Variants in TRIM5 observed in about 807,000 individuals in gnomAD.
The protein encoded by TRIM5 is tripartite motif containing 5.
In TRIM5, 31 loss-of-function variants were observed where a neutral mutation model predicts 35.6. That is an observed-to-expected ratio of 0.87 (90% confidence interval 0.65 to 1.18). The LOEUF (loss-of-function observed/expected upper bound fraction) is 1.18. Ranked by LOEUF, TRIM5 falls within the 50% of genes most tolerant of loss-of-function variation. The probability of loss-of-function intolerance (pLI) is 0.00; values close to 1 mark genes in which losing one functional copy is unlikely to be tolerated. For synonymous variants in TRIM5, 243 were observed against 215.6 expected (o/e 1.13, Z -1.11); for missense variants, 609 against 591.6 (o/e 1.03, Z -0.31).
At chr11:5,660,624 C>A (rs1012837737), downstream of TRIM5, among the ~76,000 whole-genome samples, 2 of 152,056 alleles carry the variant, frequency 1.3e-5, no homozygotes, top group Non-Finnish European at 2.9e-5. Flanking sequence ...TGATTTTACG[C>A]TTTCTTTCTC....
At chr11:5,622,582 C>T in the TRIM5 span, among the ~76,000 whole-genome samples, 2 of 152,082 alleles carry the variant, frequency 1.3e-5, no homozygotes, top group Non-Finnish European at 2.9e-5. Context: ...CATGCCATTG[C>T]ACTCCAGTCT....
At chr11:5,648,435 GGTGGAGGTTGCAGT>G in the TRIM5 span, among the ~76,000 whole-genome samples, 1 of 44,808 alleles carries the variant, frequency 2.2e-5, no homozygotes, top group Non-Finnish European at 5.9e-5. Flanking sequence ...GAACCTGGGA[GGTGGAGGTTGCAGT>G]GAGCCGAGAT....
At chr11:5,633,251 C>T in the TRIM5 span, among the ~76,000 whole-genome samples, 132,245 of 150,550 alleles carry the variant, frequency 0.88, 58,156 homozygotes, top group East Asian at 1. Flanking sequence ...TCTTTACCCC[C>T]TGTGGAACCA....
At chr11:5,604,916 G>T in the TRIM5 span, 1 of 434,172 alleles carries the variant, frequency 2.3e-6, no homozygotes, top group South Asian at 3.1e-5. Flanking sequence ...AGTCTCTTTG[G>T]CTTTTCCCTT....
chr11:5,640,708 C>T, the TRIM5 span, among the ~76,000 whole-genome samples: 7 of 152,208 alleles, frequency 4.6e-5, no homozygotes, highest in African/African-American at 1.7e-4. Flanking sequence ...TTTGAAATAA[C>T]TTATGAAGTT....
the TRIM5 span, among the ~76,000 whole-genome samples, chr11:5,623,188 A>G: frequency 6.1e-4 from 91 of 148,774 alleles, no homozygotes; most frequent in Non-Finnish European, 1.6e-4. Context: ...ACCAGTTCTC[A>G]ACCTGACTTT....
chr11:5,670,663 C>T (rs4347418), intron 4 of TRIM5, among the ~76,000 whole-genome samples: 122,768 of 152,160 alleles, frequency 0.81, 49,794 homozygotes, highest in South Asian at 0.85. Context: ...TTGAATTAAT[C>T]TGGGCAATCT....
chr11:5,682,993 C>T (rs1852630262), intron 1 of TRIM5, among the ~76,000 whole-genome samples: 1 of 152,212 alleles, frequency 6.6e-6, no homozygotes, highest in Non-Finnish European at 1.5e-5. Context: ...GCTTGTGGGC[C>T]AGCTGGAGTT....
chr11:5,596,771 T>A, the TRIM5 span: 10 of 1,454,060 alleles, frequency 6.9e-6, 1 homozygote, highest in South Asian at 1.1e-4. Flanking sequence ...GTGGTTGAGT[T>A]TAGATAAAAG....
At chr11:5,612,831 C>T in the TRIM5 span, 2 of 152,118 alleles carry the variant, frequency 1.3e-5, no homozygotes, top group Admixed American at 6.5e-5. Flanking sequence ...AAATATATAC[C>T]AGATTTCAAA....
the TRIM5 span, chr11:5,655,694 C>A: frequency 2.0e-6 from 2 of 985,198 alleles, no homozygotes; most frequent in Admixed American, 1.2e-4. Context: ...CGTCATCTGG[C>A]ATATGCAGTC....
the TRIM5 span, among the ~76,000 whole-genome samples, chr11:5,650,066 G>A: frequency 2.5e-3 from 381 of 152,284 alleles, 1 homozygote; most frequent in Middle Eastern, 0.01. Flanking sequence ...AATGCTGTGT[G>A]GAATACCATG....
the TRIM5 span, among the ~76,000 whole-genome samples, chr11:5,614,773 T>C: frequency 6.6e-6 from 1 of 152,214 alleles, no homozygotes; most frequent in South Asian, 2.1e-4. Flanking sequence ...AAATAATCTT[T>C]TTAGGGGAAG....
At chr11:5,641,078 C>T in the TRIM5 span, 7 of 1,467,336 alleles carry the variant, frequency 4.8e-6, no homozygotes, top group Admixed American at 2.5e-5. Context: ...TCTGATTTTT[C>T]CATTTTTTTT....
chr11:5,597,644 G>A, the TRIM5 span, among the ~76,000 whole-genome samples: 1 of 152,120 alleles, frequency 6.6e-6, no homozygotes, highest in Non-Finnish European at 1.5e-5. Context: ...CCAGCTGGTG[G>A]ACGGGCCCGC....
chr11:5,625,417 G>T, the TRIM5 span, among the ~76,000 whole-genome samples: 1 of 152,152 alleles, frequency 6.6e-6, no homozygotes, highest in African/African-American at 2.4e-5. Flanking sequence ...ATGAACAGAA[G>T]ATCTCTTATT....
chr11:5,610,322 T>G, the TRIM5 span: 1 of 1,602,558 alleles, frequency 6.2e-7, no homozygotes, highest in Non-Finnish European at 8.5e-7. Context: ...GAGGCTATAG[T>G]CGGTATTTGA....
At chr11:5,643,332 G>A in the TRIM5 span, 2 of 1,613,844 alleles carry the variant, frequency 1.2e-6, no homozygotes, top group Non-Finnish European at 1.7e-6. Flanking sequence ...CTGGATCCTG[G>A]GGGTATACTG....
intron 1 of TRIM5, among the ~76,000 whole-genome samples, chr11:5,683,827 C>T (rs77507801): frequency 2.0e-5 from 3 of 152,134 alleles, no homozygotes; most frequent in African/African-American, 7.2e-5. Context: ...GTGGGTGGGG[C>T]CAGATAAGAG....
Sources: allele counts gnomAD v4.1 joint callset (sites outside exome capture counted in the v4.1 genomes callset), GRCh38; gene constraint gnomAD v4.1.1; transcripts MANE v1.5; gene names NCBI Gene and HGNC (gene_info 2026-07-23, HGNC 2026-07-21).